The following CCDC122 variants were observed in gnomAD, a reference collection of about 807,000 sequenced individuals.
The protein encoded by CCDC122 is coiled-coil domain-containing protein 122.
A neutral mutation model predicts 37.0 loss-of-function variants in CCDC122; 38 were observed. The observed-to-expected ratio is 1.03, with a 90% CI of 0.79 to 1.35. CCDC122 has a LOEUF of 1.35. Among genes scored for constraint, CCDC122 ranks in the 40% most tolerant of loss-of-function variants. CCDC122 has a pLI of 0.00. For synonymous variants in CCDC122, 83 were observed against 95.6 expected (o/e 0.87, Z 0.77); for missense variants, 305 against 310.0 (o/e 0.98, Z 0.12).
chr13:43,863,527 G>A (rs548005817), intron 4 of CCDC122, among the ~76,000 whole-genome samples: 15 of 152,160 alleles, frequency 9.9e-5, no homozygotes, highest in African/African-American at 3.6e-4. Flanking sequence ...GTAGGGATAG[G>A]TTTAACTTTT....
At chr13:43,863,404 G>C (rs1419471068) in intron 4 of CCDC122, among the ~76,000 whole-genome samples, 2 of 151,992 alleles carry the variant, frequency 1.3e-5, no homozygotes, top group Non-Finnish European at 2.9e-5. Context: ...TACCATATTA[G>C]TTTATTAGTT....
chr13:43,850,709 C>T (rs780917851), intron 6 of CCDC122, among the ~76,000 whole-genome samples: 12 of 151,980 alleles, frequency 7.9e-5, no homozygotes, highest in Non-Finnish European at 1.6e-4. Context: ...TCATATCTTT[C>T]GTTATGGAAG....
intron 6 of CCDC122, chr13:43,849,040 T>C (rs1195301842): frequency 2.1e-6 from 2 of 946,656 alleles, no homozygotes; most frequent in Non-Finnish European, 2.5e-6. Context: ...TGTAACGTTT[T>C]AAGAAAATGG....
chr13:43,850,223 T>C (rs1053629259), intron 6 of CCDC122, among the ~76,000 whole-genome samples: 1 of 152,090 alleles, frequency 6.6e-6, no homozygotes, highest in Non-Finnish European at 1.5e-5. Flanking sequence ...CACCTGGAAA[T>C]AGTGAAGATC....
downstream of CCDC122, among the ~76,000 whole-genome samples, chr13:43,831,469 C>T (rs1351131517): frequency 1.3e-5 from 2 of 152,038 alleles, no homozygotes; most frequent in African/African-American, 4.8e-5. Flanking sequence ...GAAGCCTCTC[C>T]AATACAAGCA....
At chr13:43,863,974 C>T (rs1195461516) in intron 4 of CCDC122, among the ~76,000 whole-genome samples, 2 of 152,080 alleles carry the variant, frequency 1.3e-5, no homozygotes, top group Admixed American at 6.5e-5. Flanking sequence ...TTTGTTTTAA[C>T]TCTTAACATT....
chr13:43,832,683 AAATT>A (rs900399532), downstream of CCDC122, among the ~76,000 whole-genome samples: 10 of 152,154 alleles, frequency 6.6e-5, no homozygotes, highest in Admixed American at 3.3e-4. Context: ...ATGTATAAAT[AAATT>A]ATTATTTATA....
At chr13:43,876,977 G>T (rs1206344078) in intron 1 of CCDC122, among the ~76,000 whole-genome samples, 5 of 152,126 alleles carry the variant, frequency 3.3e-5, no homozygotes, top group Non-Finnish European at 7.3e-5. Flanking sequence ...CGGGCGTGGT[G>T]GTGCACGCCT....
intron 2 of CCDC122, among the ~76,000 whole-genome samples, chr13:43,874,128 T>C (rs1440055596): frequency 6.6e-6 from 1 of 152,210 alleles, no homozygotes; most frequent in East Asian, 1.9e-4. Flanking sequence ...TATTATACCA[T>C]TTTAGATAAA....
At chr13:43,869,710 A>T (rs1318062216) in intron 2 of CCDC122, among the ~76,000 whole-genome samples, 1 of 151,322 alleles carries the variant, frequency 6.6e-6, no homozygotes, top group African/African-American at 2.5e-5. Context: ...AGGCTGTTCT[A>T]ATAATTAAAG....
chr13:43,848,480 G>C (rs1046149328), intron 6 of CCDC122, among the ~76,000 whole-genome samples: 1 of 151,824 alleles, frequency 6.6e-6, no homozygotes, highest in African/African-American at 2.4e-5. Flanking sequence ...TATATTTGAA[G>C]CTTTGTGTTT....
At chr13:43,851,216 G>T (rs1953716932) in intron 6 of CCDC122, among the ~76,000 whole-genome samples, 1 of 152,056 alleles carries the variant, frequency 6.6e-6, no homozygotes, top group Admixed American at 6.6e-5. Flanking sequence ...TATAAAAAAG[G>T]AAATGATATA....
intron 6 of CCDC122, chr13:43,848,710 T>C (rs1369451878): frequency 2.8e-5 from 12 of 435,434 alleles, no homozygotes; most frequent in Non-Finnish European, 3.7e-5. Context: ...AACACTGATA[T>C]TCAAAAAAAC....
At chr13:43,838,378 C>A (rs1953231170) in intron 6 of CCDC122, among the ~76,000 whole-genome samples, 1 of 152,092 alleles carries the variant, frequency 6.6e-6, no homozygotes, top group Admixed American at 6.6e-5. Flanking sequence ...ATTAAATAAA[C>A]CATCATTTAT....
chr13:43,851,120 G>C (rs1165453287), intron 6 of CCDC122, among the ~76,000 whole-genome samples: 1 of 152,006 alleles, frequency 6.6e-6, no homozygotes, highest in Non-Finnish European at 1.5e-5. Flanking sequence ...AGGAATGAAG[G>C]AGAAATCAAG....
rs1243172808 is a variant in CCDC122, at chr13:43,859,712, T to A, written c.515A>T (p.Asp172Val). 18 of 1,580,486 alleles carry A rather than the reference T, an allele frequency of 1.1e-5. No individual in the cohort carries two copies. The Admixed American group carries it at 1.2e-4, about 10-fold the overall frequency. Reference protein sequence around the residue: ...LKTMKEELMQDLQNPGGNRIT... With the variant: ...LKTMKEELMQVLQNPGGNRIT... ...TCGGTTCCCTCCTGGATTTTGAAGA[T>A]CTTGCATAAGTTCTTCTTTCATTGT... Residue 172 changes from aspartate (D) to valine (V), a missense_variant, in exon 5 of 7, where the codon GAT becomes GTT. By Grantham distance (152) the Asp-to-Val change is radical (BLOSUM62 -3). Transcript: ENST00000444614.
At chr13:43,821,543 G>A (rs908917234), downstream of CCDC122, among the ~76,000 whole-genome samples, 3 of 152,138 alleles carry the variant, frequency 2.0e-5, no homozygotes, top group Non-Finnish European at 2.9e-5. Flanking sequence ...GATTTGATAA[G>A]TTCTCTGCTC....
At chr13:43,875,748 A>T (rs1954590911) in intron 1 of CCDC122, among the ~76,000 whole-genome samples, 1 of 152,210 alleles carries the variant, frequency 6.6e-6, no homozygotes, top group Non-Finnish European at 1.5e-5. Context: ...AGACTAACAA[A>T]AAGAAGCCAT....
intron 6 of CCDC122, among the ~76,000 whole-genome samples, chr13:43,840,240 G>T (rs1953299188): frequency 6.6e-6 from 1 of 152,192 alleles, no homozygotes; most frequent in Non-Finnish European, 1.5e-5. Flanking sequence ...TTGTGGAAGT[G>T]AAGTGGCCTC....
Sources: gnomAD v4.1 joint callset for allele counts (sites outside exome capture counted in the v4.1 genomes callset) on GRCh38, gnomAD v4.1.1 for gene constraint, MANE v1.5 for transcripts, NCBI Gene and HGNC (gene_info 2026-07-23, HGNC 2026-07-21) for gene names.